Variants in RSPO2 observed in about 807,000 individuals in gnomAD.
The protein encoded by RSPO2 is R-spondin-2.
RSPO2 carries 14 observed loss-of-function variants against 30.9 expected under a neutral mutation model. The observed-to-expected ratio is 0.45, with a 90% CI of 0.30 to 0.71. RSPO2 has a LOEUF of 0.71. Among genes scored for constraint, RSPO2 ranks in the 30% least tolerant of loss-of-function variants. The probability of loss-of-function intolerance (pLI) is 0.08; values close to 1 mark genes in which losing one functional copy is unlikely to be tolerated. For missense variants in RSPO2, 264 were observed against 301.9 expected, an observed-to-expected ratio of 0.87 and a Z score of 0.93; for synonymous variants, 107 against 96.4, an observed-to-expected ratio of 1.11 and a Z score of -0.64.
At chr8:108,078,386 GA>G (rs1813077976) in intron 2 of RSPO2, among the ~76,000 whole-genome samples, 2 of 152,170 alleles carry the variant, frequency 1.3e-5, no homozygotes, top group African/African-American at 4.8e-5. Flanking sequence ...CAGCTTTTCT[GA>G]AATACTTTGG....
rs867040748 is a variant in RSPO2, at chr8:107,966,873, G to A, written c.284-6056C>T. On this transcript the variant is annotated intron_variant, in intron 3 of 5. Transcript: ENST00000276659. ...ATTACAATCAATTATTGGAGAAAGG[G>A]AAGAAGTCAATAAAGTAGAAGGAAC... Among the ~76,000 whole-genome samples the A allele has an allele frequency of 7.2e-5, 11 of 152,282 alleles. No individual in the cohort carries two copies. In the South Asian group the frequency reaches 2.3e-3, roughly 32 times the overall value.
intron 2 of RSPO2, among the ~76,000 whole-genome samples, chr8:108,066,278 T>C (rs1351248367): frequency 6.6e-6 from 1 of 152,176 alleles, no homozygotes; most frequent in African/African-American, 2.4e-5. Flanking sequence ...TAGCAGAAAG[T>C]ACTGTTTTTC....
intron 2 of RSPO2, among the ~76,000 whole-genome samples, chr8:107,998,259 C>A (rs1250303136): frequency 6.6e-6 from 1 of 151,522 alleles, no homozygotes. Context: ...CCAACTCTGG[C>A]ACCAATAACA....
At chr8:107,986,257 T>C (rs1814627825) in intron 3 of RSPO2, among the ~76,000 whole-genome samples, 1 of 152,226 alleles carries the variant, frequency 6.6e-6, no homozygotes, top group Non-Finnish European at 1.5e-5. Flanking sequence ...AGTCGTATAC[T>C]GTTAAGAAAT....
chr8:107,996,290 T>A (rs1322571819), intron 2 of RSPO2, among the ~76,000 whole-genome samples: 1 of 152,300 alleles, frequency 6.6e-6, no homozygotes, highest in African/African-American at 2.4e-5. Context: ...TATGGAATGA[T>A]ATTTAGAGAA....
At chr8:108,061,336 G>A (rs181889334) in intron 2 of RSPO2, among the ~76,000 whole-genome samples, 3 of 151,654 alleles carry the variant, frequency 2.0e-5, no homozygotes, top group Non-Finnish European at 2.9e-5. Context: ...AGGGATGGAG[G>A]AAGATCTACC....
intron 2 of RSPO2, among the ~76,000 whole-genome samples, chr8:107,990,831 G>A (rs547659894): frequency 6.6e-6 from 1 of 152,280 alleles, no homozygotes; most frequent in Admixed American, 6.5e-5. Flanking sequence ...AGCCAAAACA[G>A]CATGGTACTG....
In RSPO2 at chr8:108,082,655, G is replaced by C. The variant is rs1316806872; in HGVS notation, c.-17C>G. The C allele has an allele frequency of 1.9e-6, 3 of 1,603,844 alleles. No homozygotes were observed. The highest frequency in any genetic ancestry group is 1.3e-5 in the African/African-American group (1 of 74,824). On this transcript the variant is annotated 5_prime_UTR_variant, in exon 2 of 6. Transcript: ENST00000276659. ...AAACTGCATCTGGGCGGTCGGGCGG[G>C]GGAGAGACGCCTCTCAAAGTCTAGG...
chr8:108,059,192 C>T (rs1375548378), intron 2 of RSPO2, among the ~76,000 whole-genome samples: 2 of 151,474 alleles, frequency 1.3e-5, no homozygotes, highest in Non-Finnish European at 2.9e-5. Flanking sequence ...GGGCGAAGGA[C>T]ATGAACAGAC....
At chr8:108,064,739 C>T (rs1275841343) in intron 2 of RSPO2, among the ~76,000 whole-genome samples, 1 of 152,136 alleles carries the variant, frequency 6.6e-6, no homozygotes, top group Non-Finnish European at 1.5e-5. Context: ...TTTATTGGGG[C>T]ACTATTCACA....
intron 5 of RSPO2, among the ~76,000 whole-genome samples, chr8:107,934,879 T>C (rs1297882140): frequency 6.6e-6 from 1 of 152,214 alleles, no homozygotes; most frequent in African/African-American, 2.4e-5. Flanking sequence ...ACTCATAATT[T>C]CCTATGCCTG....
At chr8:108,009,950 G>A (rs1421493060) in intron 2 of RSPO2, among the ~76,000 whole-genome samples, 1 of 152,120 alleles carries the variant, frequency 6.6e-6, no homozygotes, top group African/African-American at 2.4e-5. Context: ...TTGCGAGGCT[G>A]AGGCAGGAGG....
intron 2 of RSPO2, among the ~76,000 whole-genome samples, chr8:108,033,369 C>G (rs1811490799): frequency 1.3e-5 from 2 of 152,302 alleles, no homozygotes; most frequent in South Asian, 4.1e-4. Flanking sequence ...TTAACTTGTG[C>G]CTGAATCACT....
chr8:107,951,053 G>GTTTT (rs1186012158), intron 5 of RSPO2, among the ~76,000 whole-genome samples: 1 of 92,488 alleles, frequency 1.1e-5, no homozygotes, highest in South Asian at 4.0e-4. Flanking sequence ...GTTTTTTTTT[G>GTTTT]TTGTTGTTGT....
At chr8:108,033,053 A>AGG (rs1811476388) in intron 2 of RSPO2, among the ~76,000 whole-genome samples, 2 of 135,404 alleles carry the variant, frequency 1.5e-5, no homozygotes, top group Admixed American at 1.4e-4. Context: ...CTGTCTCAAA[A>AGG]AAAAAAAAAA....
At chr8:108,016,929 C>T (rs1192881507) in intron 2 of RSPO2, among the ~76,000 whole-genome samples, 2 of 152,088 alleles carry the variant, frequency 1.3e-5, no homozygotes, top group Non-Finnish European at 2.9e-5. Flanking sequence ...CACCATGCTT[C>T]CCATAAATCC....
At chr8:107,968,174 C>A (rs546200363) in intron 3 of RSPO2, among the ~76,000 whole-genome samples, 17 of 152,000 alleles carry the variant, frequency 1.1e-4, no homozygotes, top group African/African-American at 4.1e-4. Flanking sequence ...TTATAATAGC[C>A]AAGATATGGA....
chr8:108,061,673 C>A (rs201628715), intron 2 of RSPO2, among the ~76,000 whole-genome samples: 284 of 132,214 alleles, frequency 2.1e-3, no homozygotes, highest in South Asian at 4.8e-3. Context: ...CTCAGCTCTG[C>A]ACCAAGCGGA....
intron 5 of RSPO2, among the ~76,000 whole-genome samples, chr8:107,911,761 A>G (rs1472647220): frequency 6.6e-6 from 1 of 152,180 alleles, no homozygotes; most frequent in African/African-American, 2.4e-5. Context: ...CAGTGATTCA[A>G]ACCAACATCT....
Sources: allele counts gnomAD v4.1 joint callset (sites outside exome capture counted in the v4.1 genomes callset), GRCh38; gene constraint gnomAD v4.1.1; transcripts MANE v1.5; gene names NCBI Gene and HGNC (gene_info 2026-07-23, HGNC 2026-07-21).